The following CD79B variants were observed in gnomAD, a reference collection of about 807,000 sequenced individuals.
CD79B encodes CD79b molecule.
Under a neutral mutation model 30.0 loss-of-function variants are expected in CD79B, and 7 were observed. That is an observed-to-expected ratio of 0.23 (90% CI 0.13 to 0.44). CD79B has a LOEUF of 0.44. CD79B is among the 20% of genes least tolerant of loss of function. The pLI, the probability that CD79B is intolerant of heterozygous loss-of-function variation, is 1.00. For missense variants in CD79B, 218 were observed against 299.1 expected (o/e 0.73, Z 2.00); for synonymous variants, 118 against 119.2 (o/e 0.99, Z 0.07).
At position 63,929,244 on chromosome 17, in the gene CD79B, C is replaced by T. The variant is rs781172398; in HGVS notation, c.672G>A (p.Glu224=). ...RTGEVKWSVG[E]HPGQE is the part of the protein sequence containing the mutation. ...CTGGCTCTCACTCCTGGCCTGGGTG[C>T]TCACCTACAGACCACTTCACTTCCC... The change falls in exon 6 of 6, where the codon GAG becomes GAA. Residue 224 remains glutamate, a synonymous_variant. Coordinates refer to ENST00000006750, the MANE Select transcript of CD79B (RefSeq NM_000626.4). 3.7e-6 allele frequency: 6 copies of T among 1,612,592 alleles called. No individual in the cohort carries two copies. Among genetic ancestry groups the T allele is most frequent in the Non-Finnish European group, 4.2e-6 (5 of 1,178,774 alleles).
chr17:63,930,025 T>C, intron 3 of CD79B, 49 bp downstream of exon 3: 1 of 1,602,772 alleles, frequency 6.2e-7, no homozygotes, highest in South Asian at 1.1e-5. Context: ...CAGGCCGGGC[T>C]AGGGTGGGGC....
At chr17:63,930,548 G>T in intron 2 of CD79B, 163 bp from the exon 3 acceptor site, 1 of 682,618 alleles carries the variant, frequency 1.5e-6, no homozygotes, top group Non-Finnish European at 2.6e-6. Flanking sequence ...GGGAAGCAGA[G>T]CCACGTGAGA....
rs751709540 is a variant in CD79B at position 63,930,285 on chromosome 17, A to C, written c.219T>G (p.Asn73Lys). 1.7e-5 allele frequency: 28 copies of C among 1,614,060 alleles called. No individual in the cohort carries two copies. The South Asian group carries it at 3.1e-4, about 18-fold the overall frequency. The change falls in exon 3 of 6, where the codon AAT becomes AAG. Residue 73 changes from asparagine to lysine, a missense_variant. Asn to Lys is a moderately conservative substitution (Grantham distance 94). Coordinates refer to ENST00000006750, the MANE Select transcript of CD79B (RefSeq NM_000626.4). Reference sequence around the variant, plus strand: ...TCTCCTGCTTCCAGAGCCAGCTCACATTGCCGGAGGCGCTGTTCATGTAGC... The same window carrying C: ...TCTCCTGCTTCCAGAGCCAGCTCACCTTGCCGGAGGCGCTGTTCATGTAGC... ...MHCYMNSASG[N>K]VSWLWKQEMD... is the part of the protein sequence containing the mutation.
In CD79B at chr17:63,930,323, C is replaced by A; in HGVS notation, c.181G>T (p.Val61Leu). 6.2e-7 allele frequency: 1 copy of A among 1,614,180 alleles called. No homozygotes were observed. The change falls in exon 3 of 6, where the codon GTG becomes TTG. Residue 61 changes from valine (V) to leucine (L), a missense_variant. Coordinates refer to ENST00000006750, the MANE Select transcript of CD79B (RefSeq NM_000626.4). The stretch of plus-strand genomic sequence containing the variant: ...CTGTTCATGTAGCAGTGCATTTTCA[C>A]CGTGAAGCCCCGTTTCCTGGCTATG... ...RFIARKRGFT[V>L]KMHCYMNSAS...
chr17:63,931,262 CA>C, intron 2 of CD79B, 72 bp downstream of exon 2: 17 of 1,502,468 alleles, frequency 1.1e-5, no homozygotes, highest in Non-Finnish European at 1.6e-5. Context: ...GCCCCCAGGA[CA>C]GGGACCATAG....
In CD79B at chr17:63,931,347, G is replaced by A. The variant is rs201705534; in HGVS notation, c.106C>T (p.Arg36Trp). The change falls in exon 2 of 6, where the codon CGG (arginine) becomes TGG (tryptophan). Residue 36 changes from arginine (R) to tryptophan (W), a missense_variant. Coordinates refer to ENST00000006750, the MANE Select transcript of CD79B (RefSeq NM_000626.4). ...CGAGGCTACTGACCTTTGGGATTCC[G>A]GTACCGGTCCTCCGATCTGGCTGCT... ...VPAARSEDRYRNPKGSACSRI... is the reference protein window; with the variant it reads ...VPAARSEDRYWNPKGSACSRI... 15 of 1,614,044 alleles carry A rather than the reference G, an allele frequency of 9.3e-6. No homozygotes were observed. The highest frequency in any genetic ancestry group is 8.9e-5 in the East Asian group (4 of 44,882).
chr17:63,931,260 G>C, intron 2 of CD79B, 75 bp downstream of exon 2: 2 of 1,491,436 alleles, frequency 1.3e-6, no homozygotes, highest in Non-Finnish European at 1.9e-6. Flanking sequence ...CCGCCCCCAG[G>C]ACAGGGACCA....
chr17:63,929,708 T>A, intron 4 of CD79B, 62 bp downstream of exon 4: 1 of 1,213,506 alleles, frequency 8.2e-7, no homozygotes, highest in Non-Finnish European at 1.2e-6. Flanking sequence ...ACCCTGCATA[T>A]GCCTGGCCTA....
Position 63,929,277 on chromosome 17 carries a change from C to G in CD79B, c.639G>C (p.Leu213=), listed in dbSNP as rs1467119885. Residue 213 remains leucine (L), a synonymous_variant, in exon 6 of 6, where the codon CTG becomes CTC. Coordinates refer to ENST00000006750, the MANE Select transcript of CD79B (RefSeq NM_000626.4). ...QTATYEDIVT[L]RTGEVKWSVG... is the part of the protein sequence containing the mutation. Reference sequence around the variant, plus strand: ...CAGACCACTTCACTTCCCCTGTCCGCAGCGTCACTATGTCCTCATAGGTGG... The same window carrying G: ...CAGACCACTTCACTTCCCCTGTCCGGAGCGTCACTATGTCCTCATAGGTGG... 1.2e-6 allele frequency: 2 copies of G among 1,614,098 alleles called. No individual in the cohort carries two copies. Among genetic ancestry groups the G allele is most frequent in the African/African-American group, 1.3e-5 (1 of 75,058 alleles).
chr17:63,931,118 A>G (rs1483169702), intron 2 of CD79B: 1 of 615,470 alleles, frequency 1.6e-6, no homozygotes, highest in Non-Finnish European at 3.0e-6. Flanking sequence ...CCAGCCCTTC[A>G]GTGGCCAAGG....
intron 1 of CD79B, chr17:63,931,918 T>G: frequency 1.9e-6 from 1 of 529,098 alleles, no homozygotes; most frequent in Non-Finnish European, 3.5e-6. Context: ...TGAGCCTAGT[T>G]CTTCCACGGT....
Position 63,932,205 on chromosome 17 carries a change from C to T in CD79B, c.57G>A (p.Leu19=). 1.2e-6 allele frequency: 2 copies of T among 1,613,246 alleles called. No homozygotes were observed. Among genetic ancestry groups the T allele is most frequent in the Non-Finnish European group, 1.7e-6 (2 of 1,179,938 alleles). ...VPSHWMVALL[L]LLSAEPVPAA... is the part of the protein sequence containing the mutation. ...TCGTGGGTTCTGTACCTGAGAGCAG[C>T]AGCAGCAACGCCACCATCCAGTGGC... The change falls in exon 1 of 6, where the codon CTG becomes CTA. Residue 19 remains leucine (L), a synonymous_variant. Transcript: ENST00000006750.
chr17:63,931,056 C>T (rs1908092631), intron 2 of CD79B: 2 of 496,970 alleles, frequency 4.0e-6, no homozygotes, highest in Non-Finnish European at 7.4e-6. Context: ...CAGGCCCGGG[C>T]CTGAGTCCTA....
In CD79B at chr17:63,932,214, C is replaced by T. The variant is rs758062682; in HGVS notation, c.48G>A (p.Ala16=). Residue 16 remains alanine, a synonymous_variant, in exon 1 of 6, where the codon GCG becomes GCA. Transcript: ENST00000006750. ...LSPVPSHWMV[A]LLLLLSAEPV... is the part of the protein sequence containing the mutation. ...CTGTACCTGAGAGCAGCAGCAGCAA[C>T]GCCACCATCCAGTGGCTGGGCACAG... 113 of 1,613,064 alleles carry T rather than the reference C, an allele frequency of 7.0e-5. 1 individual carries two copies. The highest frequency in any genetic ancestry group is 5.6e-4 in the South Asian group (51 of 91,080).
Position 63,930,285 on chromosome 17 carries a change from A to G in CD79B, c.219T>C (p.Asn73=). 5 of 1,614,178 alleles carry G rather than the reference A, an allele frequency of 3.1e-6. No homozygotes were observed. In the South Asian group the frequency reaches 3.3e-5, roughly 11 times the overall value. Residue 73 remains asparagine (N), a synonymous_variant, in exon 3 of 6, where the codon AAT becomes AAC. Transcript: ENST00000006750. The stretch of plus-strand genomic sequence containing the variant: ...TCTCCTGCTTCCAGAGCCAGCTCAC[A>G]TTGCCGGAGGCGCTGTTCATGTAGC... ...MHCYMNSASG[N]VSWLWKQEMD... is the part of the protein sequence containing the mutation.
intron 1 of CD79B, chr17:63,931,768 C>T (rs1908144609): frequency 3.0e-6 from 1 of 330,470 alleles, no homozygotes; most frequent in Non-Finnish European, 5.7e-6. Flanking sequence ...TAAAGAGAGA[C>T]AGGAAGAAAG....
rs115494685 is a variant in CD79B at position 63,930,201 on chromosome 17, G to A, written c.303C>T (p.Asn101=). ...GGATGGTGAGGGTGGCGAGAGATTC[G>A]TTCTGGGACTCTTCCATGCGGCCCT... ...LEKGRMEESQ[N]ESLATLTIQG... The change falls in exon 3 of 6, where the codon AAC becomes AAT. Residue 101 remains asparagine, a synonymous_variant. Coordinates refer to ENST00000006750, the MANE Select transcript of CD79B (RefSeq NM_000626.4). 43 of 1,614,204 alleles carry A rather than the reference G, an allele frequency of 2.7e-5. No homozygotes were observed. The African/African-American group carries it at 4.0e-4, about 15-fold the overall frequency.
chr17:63,931,052 C>G, intron 2 of CD79B: 1 of 488,094 alleles, frequency 2.0e-6, no homozygotes, highest in Non-Finnish European at 3.8e-6. Flanking sequence ...TAGACAGGCC[C>G]GGGCCTGAGT....
At chr17:63,930,511 G>A in intron 2 of CD79B, 126 bp from the exon 3 acceptor site, 1 of 873,350 alleles carries the variant, frequency 1.1e-6, no homozygotes, top group Non-Finnish European at 1.8e-6. Context: ...CAGGGTGTGG[G>A]ACAGGCAGGA....
Sources: allele counts gnomAD v4.1 joint callset, GRCh38; gene constraint gnomAD v4.1.1; transcripts MANE v1.5; gene names NCBI Gene and HGNC (gene_info 2026-07-23, HGNC 2026-07-21).